The following DMXL1 variants were observed in gnomAD, a reference collection of about 807,000 sequenced individuals.
The protein encoded by DMXL1 is Dmx like 1.
A neutral mutation model predicts 319.2 loss-of-function variants in DMXL1; 99 were observed. The ratio of observed to expected loss-of-function variants is 0.31; its 90% CI spans 0.26 to 0.37. The LOEUF (loss-of-function observed/expected upper bound fraction) is 0.37, where lower values mean the gene tolerates loss of function less well. Among genes scored for constraint, DMXL1 ranks in the 10% least tolerant of loss-of-function variants. The probability of loss-of-function intolerance (pLI) is 1.00; values close to 1 mark genes in which losing one functional copy is unlikely to be tolerated. For missense variants in DMXL1, 3,745 were observed against 3,595.6 expected (o/e 1.04, Z -1.06); for synonymous variants, 1,385 against 1,235.2 (o/e 1.12, Z -2.54).
intron 10 of DMXL1, among the ~76,000 whole-genome samples, chr5:119,130,200 C>T (rs1764537626): frequency 1.3e-5 from 2 of 151,926 alleles, no homozygotes; most frequent in African/African-American, 4.8e-5. Context: ...ATGAAGTTTC[C>T]ACATTGTTAA....
chr5:119,220,010 CT>C (rs5870841), intron 35 of DMXL1, among the ~76,000 whole-genome samples: 130,682 of 140,148 alleles, frequency 0.93, 60,880 homozygotes, highest in East Asian at 0.97. Flanking sequence ...TTTCCCACTT[CT>C]TTTTTTTTTT....
At chr5:119,089,034 C>A (rs898032116) in intron 1 of DMXL1, among the ~76,000 whole-genome samples, 2 of 150,956 alleles carry the variant, frequency 1.3e-5, no homozygotes, top group African/African-American at 4.9e-5. Context: ...TTGAAGAACT[C>A]CCTTTAGCAT....
At chr5:119,127,700 G>C (rs1763918869) in intron 9 of DMXL1, 2 of 193,404 alleles carry the variant, frequency 1.0e-5, no homozygotes, top group Non-Finnish European at 1.1e-5. Context: ...TGGCCTCCCA[G>C]AGTGCTGGGA....
intron 1 of DMXL1, among the ~76,000 whole-genome samples, chr5:119,093,839 G>T (rs1044241077): frequency 1.3e-5 from 2 of 152,126 alleles, no homozygotes; most frequent in Non-Finnish European, 2.9e-5. Flanking sequence ...GAGTGGTCTG[G>T]CTAGAAGATC....
At chr5:119,195,014 GATC>G (rs1779359517) in intron 30 of DMXL1, among the ~76,000 whole-genome samples, 2 of 151,770 alleles carry the variant, frequency 1.3e-5, no homozygotes, top group Admixed American at 6.6e-5. Context: ...GAGAAATGCA[GATC>G]AGTTTCCCAA....
intron 10 of DMXL1, among the ~76,000 whole-genome samples, chr5:119,130,090 G>T (rs1197823089): frequency 2.7e-5 from 4 of 147,568 alleles, no homozygotes; most frequent in East Asian, 2.0e-4. Context: ...AATGTGTTTG[G>T]TTTTTTTTTT....
At chr5:119,204,271 G>A (rs1781370633) in intron 33 of DMXL1, among the ~76,000 whole-genome samples, 1 of 152,162 alleles carries the variant, frequency 6.6e-6, no homozygotes, top group South Asian at 2.1e-4. Context: ...CCTAGCAGCT[G>A]GGACTGCAGA....
rs1333870936 is a variant in DMXL1, at chr5:119,221,095, A to C, written c.8277+14A>C. 1 of 1,579,258 alleles carries C rather than the reference A, an allele frequency of 6.3e-7. No individual in the cohort carries two copies. Among genetic ancestry groups the C allele is most frequent in the Non-Finnish European group, 8.6e-7 (1 of 1,161,638 alleles). On this transcript the variant is annotated intron_variant, in intron 37 of 43. Transcript: ENST00000539542. ...GGAGCATCTGTGGTATGTAAAGTTA[A>C]AAATAAATTTAAGTTATATGTAACT... is the stretch of plus-strand genomic sequence containing the variant.
chr5:119,151,964 C>A lies in DMXL1; in HGVS notation c.4630C>A (p.Leu1544Ile). 1 of 1,612,812 alleles carries A rather than the reference C, an allele frequency of 6.2e-7. No individual in the cohort carries two copies. Among genetic ancestry groups the A allele is most frequent in the Non-Finnish European group, 8.5e-7 (1 of 1,179,364 alleles). The part of the protein sequence containing the change: ...ETLDECGLKF[L>I]LAVRLHTFLT... The stretch of plus-strand genomic sequence containing the variant: ...TCTTGATGAATGTGGGTTAAAATTT[C>A]TTTTGGCTGTTCGACTCCATACCTT... Residue 1544 changes from leucine (L) to isoleucine (I), a missense_variant, in exon 19 of 44, where the codon CTT (leucine) becomes ATT (isoleucine). Leu to Ile is a conservative substitution (Grantham distance 5). Coordinates refer to ENST00000539542, the MANE Select transcript of DMXL1 (RefSeq NM_001290321.3).
At chr5:119,075,353 C>T (rs1417711668) in intron 1 of DMXL1, among the ~76,000 whole-genome samples, 1 of 151,420 alleles carries the variant, frequency 6.6e-6, no homozygotes, top group Non-Finnish European at 1.5e-5. Flanking sequence ...TGTTCTCGTG[C>T]CTCTGCCTCC....
chr5:119,125,923 C>T (rs1234431174), intron 9 of DMXL1, among the ~76,000 whole-genome samples: 2 of 152,120 alleles, frequency 1.3e-5, no homozygotes, highest in African/African-American at 4.8e-5. Flanking sequence ...TCTGTATGTA[C>T]TGTAAGCATA....
At position 119,134,343 on chromosome 5, in the gene DMXL1, T is replaced by C. The variant is rs757815662; in HGVS notation, c.2330T>C (p.Ile777Thr). 8 of 1,613,696 alleles carry C rather than the reference T, an allele frequency of 5.0e-6. No homozygotes were observed. In the African/African-American group the frequency reaches 5.3e-5, roughly 11 times the overall value. The change falls in exon 13 of 44, where the codon ATT becomes ACT. Residue 777 changes from isoleucine (I) to threonine (T), a missense_variant. Physicochemically the swap from Ile to Thr is moderately conservative, Grantham distance 89. Coordinates refer to ENST00000539542, the MANE Select transcript of DMXL1 (RefSeq NM_001290321.3). ...TATCTGAGATTATATGAAGCAGTTA[T>C]TGATGCTAAGAAACTTTTATCTGAG... ...GQYLRLYEAVIDAKKLLSELS... is the reference protein window; with the variant it reads ...GQYLRLYEAVTDAKKLLSELS...
At chr5:119,156,831 A>G (rs1771184046) in intron 19 of DMXL1, among the ~76,000 whole-genome samples, 1 of 152,038 alleles carries the variant, frequency 6.6e-6, no homozygotes, top group East Asian at 1.9e-4. Context: ...TCTTTATGAA[A>G]ACTGTTTGTT....
intron 2 of DMXL1, 64 bp downstream of exon 2, chr5:119,098,168 G>A (rs533679929): frequency 2.6e-6 from 4 of 1,522,942 alleles, no homozygotes; most frequent in Non-Finnish European, 3.5e-6. Flanking sequence ...GATAATCTCT[G>A]AAGTGTGTAT....
In DMXL1 at chr5:119,166,781, G is replaced by A; in HGVS notation, c.5136G>A (p.Glu1712=). 6.3e-7 allele frequency: 1 copy of A among 1,597,606 alleles called. No homozygotes were observed. Among genetic ancestry groups the A allele is most frequent in the Non-Finnish European group, 8.5e-7 (1 of 1,173,486 alleles). ...LLAGCLRDAI[E]VCLEKLNDIQ... ...CTGGTTGCCTCAGAGATGCAATTGA[G>A]GTAATGAGTGAAATTTAAATAACAA... Residue 1712 remains glutamate, a splice_region_variant and synonymous_variant, in exon 22 of 44, where the codon GAG becomes GAA. Coordinates refer to ENST00000539542, the MANE Select transcript of DMXL1 (RefSeq NM_001290321.3).
chr5:119,107,011 AAT>A (rs1351414583), intron 4 of DMXL1, among the ~76,000 whole-genome samples: 1 of 152,192 alleles, frequency 6.6e-6, no homozygotes, highest in Non-Finnish European at 1.5e-5. Flanking sequence ...ATCATAAAGC[AAT>A]ATATAGACAT....
rs568535967 is a variant in DMXL1 at position 119,149,712 on chromosome 5, A to G, written c.3885A>G (p.Gly1295=). The G allele has an allele frequency of 1.2e-6, 2 of 1,614,050 alleles. No individual in the cohort carries two copies. Among genetic ancestry groups the G allele is most frequent in the African/African-American group, 2.7e-5 (2 of 75,050 alleles). Residue 1295 remains glycine, a synonymous_variant, in exon 18 of 44, where the codon GGA becomes GGG. Transcript: ENST00000539542. ...SMTSLAQKIC[G]KKTAFDPSVD... is the part of the protein sequence containing the mutation. ...CCAGTCTTGCACAGAAAATCTGTGG[A>G]AAGAAAACTGCATTCGATCCTTCAG...
At chr5:119,124,148 A>G (rs942326919) in intron 9 of DMXL1, among the ~76,000 whole-genome samples, 1 of 151,388 alleles carries the variant, frequency 6.6e-6, no homozygotes, top group Non-Finnish European at 1.5e-5. Context: ...GTCTCTACCA[A>G]AAATACAAAA....
intron 19 of DMXL1, among the ~76,000 whole-genome samples, chr5:119,158,242 A>G (rs1771532363): frequency 6.8e-6 from 1 of 147,408 alleles, no homozygotes; most frequent in African/African-American, 2.5e-5. Context: ...ATGATTAATG[A>G]GATTGTTTTG....
Sources: gnomAD v4.1 joint callset for allele counts (sites outside exome capture counted in the v4.1 genomes callset) on GRCh38, gnomAD v4.1.1 for gene constraint, MANE v1.5 for transcripts, NCBI Gene and HGNC (gene_info 2026-07-23, HGNC 2026-07-21) for gene names.